The following ZNF385D variants were observed in gnomAD, a reference collection of about 807,000 sequenced individuals.
ZNF385D encodes the protein zinc finger protein 659.
In ZNF385D, 15 loss-of-function variants were observed where a neutral mutation model predicts 35.8. The observed-to-expected ratio is 0.42, with a 90% confidence interval of 0.28 to 0.64. The LOEUF is 0.64. Among genes scored for constraint, ZNF385D ranks in the 30% least tolerant of loss-of-function variants. ZNF385D has a pLI of 0.23. For synonymous variants in ZNF385D, 212 were observed against 186.8 expected, an observed-to-expected ratio of 1.13 and a Z score of -1.10; for missense variants, 474 against 494.6, an observed-to-expected ratio of 0.96 and a Z score of 0.39.
chr3:21,904,302 C>CA (rs548922115), intron 3 of ZNF385D, among the ~76,000 whole-genome samples: 20,140 of 78,762 alleles, frequency 0.26, 2,717 homozygotes, highest in Middle Eastern at 0.31. Flanking sequence ...GACTCCATCT[C>CA]AAAAAAAAAA....
At chr3:22,220,126 G>C (rs529361845) in intron 2 of ZNF385D, among the ~76,000 whole-genome samples, 1 of 150,702 alleles carries the variant, frequency 6.6e-6, no homozygotes, top group South Asian at 2.1e-4. Flanking sequence ...TGCAGTGGTA[G>C]GATCATGGCT....
intron 3 of ZNF385D, among the ~76,000 whole-genome samples, chr3:22,137,738 C>T (rs1203028544): frequency 1.3e-5 from 2 of 152,102 alleles, no homozygotes; most frequent in African/African-American, 4.8e-5. Flanking sequence ...AAACTGGAAG[C>T]ATTCCCTTTG....
intron 2 of ZNF385D, among the ~76,000 whole-genome samples, chr3:21,584,650 C>G (rs1053226721): frequency 3.3e-5 from 5 of 152,122 alleles, no homozygotes; most frequent in African/African-American, 1.2e-4. Context: ...ATATATAAAC[C>G]ATGTTTTTCT....
intron 2 of ZNF385D, among the ~76,000 whole-genome samples, chr3:22,328,946 G>A (rs1434323424): frequency 2.6e-5 from 4 of 151,876 alleles, no homozygotes; most frequent in South Asian, 2.1e-4. Context: ...GCGTGGTAGC[G>A]GGCGCCTGTA....
intron 3 of ZNF385D, among the ~76,000 whole-genome samples, chr3:21,858,339 G>A (rs554768133): frequency 6.6e-6 from 1 of 152,056 alleles, no homozygotes; most frequent in South Asian, 2.1e-4. Flanking sequence ...ATGCACAGTG[G>A]ACTCTGGTCA....
intron 3 of ZNF385D, among the ~76,000 whole-genome samples, chr3:22,145,795 C>G (rs566460197): frequency 2.0e-5 from 3 of 152,240 alleles, no homozygotes; most frequent in African/African-American, 7.2e-5. Flanking sequence ...GAGTGGAGGC[C>G]AGTGGTTTCC....
chr3:22,010,226 G>T (rs1206503761), intron 3 of ZNF385D, among the ~76,000 whole-genome samples: 1 of 152,198 alleles, frequency 6.6e-6, no homozygotes, highest in Non-Finnish European at 1.5e-5. Flanking sequence ...AAAGGCAGAA[G>T]CATAAAACGT....
chr3:22,148,741 G>A (rs932930018), intron 3 of ZNF385D, among the ~76,000 whole-genome samples: 4 of 152,270 alleles, frequency 2.6e-5, no homozygotes, highest in African/African-American at 9.6e-5. Flanking sequence ...GGGTCCAGCA[G>A]TACTACCTGA....
chr3:22,317,687 G>A (rs1033424874), intron 2 of ZNF385D, among the ~76,000 whole-genome samples: 2 of 152,064 alleles, frequency 1.3e-5, no homozygotes, highest in Non-Finnish European at 2.9e-5. Flanking sequence ...GGGTAATAAC[G>A]GTAATTACAC....
chr3:22,310,098 T>C (rs1308051346), intron 2 of ZNF385D, among the ~76,000 whole-genome samples: 2 of 151,988 alleles, frequency 1.3e-5, no homozygotes, highest in African/African-American at 4.8e-5. Context: ...GGATCTTATA[T>C]TGTATTAAGT....
intron 3 of ZNF385D, among the ~76,000 whole-genome samples, chr3:21,817,555 C>T (rs191661764): frequency 6.6e-6 from 1 of 152,232 alleles, no homozygotes; most frequent in East Asian, 1.9e-4. Context: ...ATTTATGCAG[C>T]CAACAGACAC....
chr3:21,854,703 C>A (rs185692508), intron 3 of ZNF385D, among the ~76,000 whole-genome samples: 17 of 152,038 alleles, frequency 1.1e-4, no homozygotes, highest in African/African-American at 4.1e-4. Context: ...TTAATCCTGA[C>A]TATGGCTTTT....
At chr3:21,766,828 A>G (rs1239591733) in intron 3 of ZNF385D, among the ~76,000 whole-genome samples, 5 of 152,018 alleles carry the variant, frequency 3.3e-5, no homozygotes, top group Admixed American at 1.3e-4. Context: ...TTAAAATTGT[A>G]TTTACTGGAA....
At chr3:21,726,517 G>A (rs1306091376) in intron 1 of ZNF385D, among the ~76,000 whole-genome samples, 1 of 151,944 alleles carries the variant, frequency 6.6e-6, no homozygotes, top group Admixed American at 6.6e-5. Flanking sequence ...AATCACAAGC[G>A]TTCCTGTACA....
chr3:22,348,021 T>C (rs1292761391), intron 2 of ZNF385D, among the ~76,000 whole-genome samples: 1 of 152,144 alleles, frequency 6.6e-6, no homozygotes, highest in African/African-American at 2.4e-5. Flanking sequence ...TTTGTGATAA[T>C]TGCAGCATGT....
At chr3:21,863,450 T>C (rs1697169406) in intron 3 of ZNF385D, among the ~76,000 whole-genome samples, 1 of 152,120 alleles carries the variant, frequency 6.6e-6, no homozygotes, top group African/African-American at 2.4e-5. Context: ...ATATCGAAAG[T>C]TTGTCTTCAT....
intron 2 of ZNF385D, among the ~76,000 whole-genome samples, chr3:22,371,947 G>A (rs565680873): frequency 4.6e-5 from 7 of 152,120 alleles, no homozygotes; most frequent in Admixed American, 3.3e-4. Context: ...GAAGAAGAAG[G>A]AAATGAAAAG....
At chr3:22,213,259 A>T (rs1697642845) in intron 2 of ZNF385D, among the ~76,000 whole-genome samples, 1 of 150,012 alleles carries the variant, frequency 6.7e-6, no homozygotes, top group African/African-American at 2.5e-5. Flanking sequence ...GGCCACATAC[A>T]GTCTCTGATG....
At chr3:22,187,375 G>C (rs1174098741) in intron 2 of ZNF385D, among the ~76,000 whole-genome samples, 1 of 152,038 alleles carries the variant, frequency 6.6e-6, no homozygotes, top group East Asian at 1.9e-4. Flanking sequence ...GGAGCACTTT[G>C]GGTGGCTTAA....
Sources: gnomAD v4.1 joint callset for allele counts (sites outside exome capture counted in the v4.1 genomes callset) on GRCh38, gnomAD v4.1.1 for gene constraint, MANE v1.5 for transcripts, NCBI Gene and HGNC (gene_info 2026-07-23, HGNC 2026-07-21) for gene names.